EFNB2: variants seen among roughly 807,000 people sequenced by gnomAD.
The protein encoded by EFNB2 is ephrin B2.
EFNB2 carries 5 observed loss-of-function variants against 32.1 expected under a neutral mutation model. That is an observed-to-expected ratio of 0.16 (90% CI 0.08 to 0.33). The LOEUF is 0.33. Ranked by LOEUF, EFNB2 falls within the 10% of genes least tolerant of loss-of-function variation. EFNB2 has a pLI of 1.00. For missense variants in EFNB2, 263 were observed against 422.6 expected (o/e 0.62, Z 3.31); for synonymous variants, 168 against 166.5 (o/e 1.01, Z -0.07).
At chr13:106,512,475 ACCTATATAGCTTAT>A in intron 2 of EFNB2, 40 bp downstream of exon 2, 1 of 1,199,802 alleles carries the variant, frequency 8.3e-7, no homozygotes, top group Non-Finnish European at 1.1e-6. Context: ...ATTGATACAA[ACCTATATAGCTTAT>A]CTTAATTTCT....
intron 1 of EFNB2, among the ~76,000 whole-genome samples, chr13:106,526,376 G>C (rs896027662): frequency 6.6e-6 from 1 of 152,214 alleles, no homozygotes; most frequent in Non-Finnish European, 1.5e-5. Flanking sequence ...AGGACAGGTA[G>C]AGTGGTGAAG....
At chr13:106,516,585 A>G (rs78688943) in intron 1 of EFNB2, 3,631 of 152,298 alleles carry the variant, frequency 0.024, 72 homozygotes, top group African/African-American at 0.051. Context: ...TTATAACTCC[A>G]GCATTGGGAA....
chr13:106,509,352 A>G (rs770966295), intron 2 of EFNB2, among the ~76,000 whole-genome samples: 6 of 152,152 alleles, frequency 3.9e-5, no homozygotes, highest in Admixed American at 6.5e-5. Context: ...CCAGCACACA[A>G]TAACATATTT....
intron 2 of EFNB2, among the ~76,000 whole-genome samples, chr13:106,503,498 T>G (rs1033867018): frequency 6.6e-6 from 1 of 152,212 alleles, no homozygotes; most frequent in African/African-American, 2.4e-5. Flanking sequence ...GAGGAACAGC[T>G]GAGCCCTCGG....
At position 106,496,511 on chromosome 13, in the gene EFNB2, G is replaced by A. The variant is rs569923020; in HGVS notation, c.407-671C>T. ...CCTCTTCAACCAAACTACCTGTTGCGGGAAAACTCTGGCTGAATAGAGGGT... is the reference window on the plus strand; with the variant it reads ...CCTCTTCAACCAAACTACCTGTTGCAGGAAAACTCTGGCTGAATAGAGGGT... On this transcript the variant is annotated intron_variant, in intron 2 of 4. Transcript: ENST00000646441. Among the ~76,000 whole-genome samples, 13 of 152,252 alleles carry A rather than the reference G, an allele frequency of 8.5e-5. No homozygotes were observed. In the East Asian group the frequency reaches 9.6e-4, roughly 11 times the overall value.
intron 2 of EFNB2, among the ~76,000 whole-genome samples, chr13:106,508,403 AT>A (rs1218039648): frequency 1.3e-5 from 2 of 152,196 alleles, no homozygotes; most frequent in Non-Finnish European, 2.9e-5. Context: ...TAGCTACTCT[AT>A]TTTTAAGGCA....
At chr13:106,515,429 C>A (rs1473440170) in intron 1 of EFNB2, among the ~76,000 whole-genome samples, 2 of 152,084 alleles carry the variant, frequency 1.3e-5, no homozygotes, top group Non-Finnish European at 2.9e-5. Context: ...TTTCAATATG[C>A]ATATTAGATA....
At position 106,504,535 on chromosome 13, in the gene EFNB2, G is replaced by A. The variant is rs527570934; in HGVS notation, c.406+7994C>T. 1.6e-4 allele frequency among the ~76,000 whole-genome samples: 25 copies of A among 152,262 alleles called. No homozygotes were observed. The East Asian group carries it at 1.9e-3, about 12-fold the overall frequency. ...TTGCCCTACACATGAACCTTATTCCGTCCAGGGGACATGTTCTATCCTCTA... is the reference window on the plus strand; with the variant it reads ...TTGCCCTACACATGAACCTTATTCCATCCAGGGGACATGTTCTATCCTCTA... On this transcript the variant is annotated intron_variant, in intron 2 of 4. Coordinates refer to ENST00000646441, the MANE Select transcript of EFNB2 (RefSeq NM_004093.4).
At chr13:106,532,978 G>A (rs1463052066) in intron 1 of EFNB2, among the ~76,000 whole-genome samples, 2 of 151,874 alleles carry the variant, frequency 1.3e-5, no homozygotes, top group African/African-American at 2.4e-5. Context: ...TTCTCCTACC[G>A]GATACACACA....
At chr13:106,524,851 T>C (rs534502429) in intron 1 of EFNB2, among the ~76,000 whole-genome samples, 1 of 152,166 alleles carries the variant, frequency 6.6e-6, no homozygotes, top group East Asian at 1.9e-4. Context: ...CTTAATTTAA[T>C]AGGACAAAAG....
rs945677550 is a variant in EFNB2 at position 106,492,145 on chromosome 13, T to G, written c.*895A>C. The G allele has an allele frequency of 3.9e-5, 6 of 152,748 alleles. No individual in the cohort carries two copies. Among genetic ancestry groups the G allele is most frequent in the African/African-American group, 1.4e-4 (6 of 41,460 alleles). 9.5% of individuals were successfully genotyped at this position (152,748 alleles called of 1,614,324 possible). A position where few individuals can be genotyped will look rare whatever the true frequency, so the allele number is the denominator to read the frequency against. ...TTTGATAACAGCGAGTGCCTCCCCA[T>G]GCACTGGAATCCACTGTGTGTGCTG... On this transcript the variant is annotated 3_prime_UTR_variant, in exon 5 of 5. Transcript: ENST00000646441. The surrounding 1 kb of genome is among the most constrained non-coding windows in gnomAD (Gnocchi z 5.1).
chr13:106,508,625 G>A (rs1879035830), intron 2 of EFNB2, among the ~76,000 whole-genome samples: 1 of 152,136 alleles, frequency 6.6e-6, no homozygotes, highest in Non-Finnish European at 1.5e-5. Flanking sequence ...GCTATGTCTT[G>A]ATACTTGATA....
rs755103788 is a variant in EFNB2 at position 106,512,790 on chromosome 13, C to A, written c.145G>T (p.Val49Leu). ...NSKFLPGQGL[V>L]LYPQIGDKLD... is the part of the protein sequence containing the mutation. ...TTGTCTCCTATCTGTGGGTATAGTA[C>A]CAGTCCTTGTCCAGGTAGAAATCTA... The change falls in exon 2 of 5, where the codon GTA (valine) becomes TTA (leucine). Residue 49 changes from valine (V) to leucine (L), a missense_variant. Val to Leu is a conservative substitution (Grantham distance 32). Coordinates refer to ENST00000646441, the MANE Select transcript of EFNB2 (RefSeq NM_004093.4). 5.0e-6 allele frequency: 8 copies of A among 1,600,482 alleles called. No homozygotes were observed. The highest frequency in any genetic ancestry group is 6.8e-6 in the Non-Finnish European group (8 of 1,172,116).
At chr13:106,522,439 T>C (rs1225692839) in intron 1 of EFNB2, among the ~76,000 whole-genome samples, 1 of 152,214 alleles carries the variant, frequency 6.6e-6, no homozygotes, top group Non-Finnish European at 1.5e-5. Flanking sequence ...TCAAAGGGCA[T>C]TTCCAGCTGG....
At chr13:106,499,271 TAA>T (rs3215767) in intron 2 of EFNB2, among the ~76,000 whole-genome samples, 1 of 148,166 alleles carries the variant, frequency 6.7e-6, no homozygotes, top group African/African-American at 2.5e-5. Flanking sequence ...GTGACACAGC[TAA>T]AAAAAAAAAG....
intron 2 of EFNB2, among the ~76,000 whole-genome samples, chr13:106,510,816 A>G (rs1879119291): frequency 6.6e-6 from 1 of 152,168 alleles, no homozygotes; most frequent in African/African-American, 2.4e-5. Context: ...GATCCAGATG[A>G]TCCTGGCCAA....
chr13:106,498,965 T>C (rs1256236377), intron 2 of EFNB2, among the ~76,000 whole-genome samples: 2 of 152,186 alleles, frequency 1.3e-5, no homozygotes, highest in African/African-American at 4.8e-5. Context: ...ACTTGGTTGC[T>C]TATAAAGGGG....
intron 1 of EFNB2, among the ~76,000 whole-genome samples, chr13:106,525,033 G>C (rs1415024712): frequency 6.6e-6 from 1 of 152,136 alleles, no homozygotes; most frequent in African/African-American, 2.4e-5. Context: ...TTGAACCACG[G>C]CCAGGCACAC....
intron 4 of EFNB2, among the ~76,000 whole-genome samples, chr13:106,494,527 G>A (rs1878525645): frequency 6.6e-6 from 1 of 152,160 alleles, no homozygotes; most frequent in Non-Finnish European, 1.5e-5. Context: ...AATTAGATGA[G>A]GGATTAGCAC....
Sources: gnomAD v4.1 joint callset for allele counts (sites outside exome capture counted in the v4.1 genomes callset) on GRCh38, gnomAD v4.1.1 for gene constraint, Gnocchi (gnomAD v3.1) non-coding constraint, MANE v1.5 for transcripts, NCBI Gene and HGNC (gene_info 2026-07-23, HGNC 2026-07-21) for gene names.